VSTM2B: variants seen among roughly 807,000 people sequenced by gnomAD.
VSTM2B encodes V-set and transmembrane domain containing 2B.
Under a neutral mutation model 24.0 loss-of-function variants are expected in VSTM2B, and 24 were observed. The observed-to-expected ratio is 1.00, with a 90% confidence interval of 0.72 to 1.40. The LOEUF is 1.40. Ranked by LOEUF, VSTM2B falls within the 40% of genes most tolerant of loss-of-function variation. The pLI, the probability that VSTM2B is intolerant of heterozygous loss-of-function variation, is 0.00. For synonymous variants in VSTM2B, 226 were observed against 194.4 expected (o/e 1.16, Z -1.35); for missense variants, 399 against 416.4 (o/e 0.96, Z 0.36).
At chr19:29,527,820 GA>G (rs1390551762) in intron 2 of VSTM2B, among the ~76,000 whole-genome samples, 3 of 152,246 alleles carry the variant, frequency 2.0e-5, no homozygotes, top group Admixed American at 2.0e-4. Flanking sequence ...CCGAGTACCG[GA>G]AAGCCGGCAG....
chr19:29,532,016 A>G (rs1292785738), intron 4 of VSTM2B, among the ~76,000 whole-genome samples: 1 of 152,222 alleles, frequency 6.6e-6, no homozygotes, highest in East Asian at 1.9e-4. Flanking sequence ...TCACTGCCCT[A>G]AGAGAATTAA....
chr19:29,551,334 A>G (rs1970281206), intron 4 of VSTM2B, among the ~76,000 whole-genome samples: 1 of 152,148 alleles, frequency 6.6e-6, no homozygotes, highest in African/African-American at 2.4e-5. Flanking sequence ...CAAGGCATGA[A>G]ATGGCTTGAG....
intron 4 of VSTM2B, among the ~76,000 whole-genome samples, chr19:29,553,807 T>C (rs1304973): frequency 0.088 from 13,357 of 151,874 alleles, 1,225 homozygotes; most frequent in African/African-American, 0.23. Context: ...ATTGACCAAG[T>C]GGGGGAAAGA....
intron 4 of VSTM2B, among the ~76,000 whole-genome samples, chr19:29,553,297 G>A (rs796269682): frequency 7.2e-5 from 11 of 152,304 alleles, no homozygotes; most frequent in African/African-American, 2.6e-4. Flanking sequence ...CTCCAGGTAT[G>A]GGAGAAACCC....
intron 4 of VSTM2B, among the ~76,000 whole-genome samples, chr19:29,545,448 A>G (rs985697678): frequency 6.6e-6 from 1 of 152,154 alleles, no homozygotes; most frequent in Non-Finnish European, 1.5e-5. Context: ...CCCCATCTCT[A>G]CTAAAAATAC....
chr19:29,563,897 C>G lies in VSTM2B; in HGVS notation c.821C>G (p.Ala274Gly), dbSNP rs1036290014. The change falls in exon 5 of 5, where the codon GCT (alanine) becomes GGT (glycine). Residue 274 changes from alanine to glycine, a missense_variant. Coordinates refer to ENST00000335523, the MANE Select transcript of VSTM2B (RefSeq NM_001146339.2). ...TDPLLSLLLL[A>G]LHKFLRLLLG... ...CCACTCTTGTCCCTGCTCCTGTTAG[C>G]TCTGCATAAGTTCCTGCGCCTGCTC... is the stretch of plus-strand genomic sequence containing the variant. The G allele has an allele frequency of 1.2e-5, 18 of 1,552,248 alleles. No individual in the cohort carries two copies. In the African/African-American group the frequency reaches 2.5e-4, roughly 21 times the overall value.
intron 4 of VSTM2B, among the ~76,000 whole-genome samples, chr19:29,557,812 G>A (rs1970444540): frequency 6.6e-6 from 1 of 151,994 alleles, no homozygotes; most frequent in Non-Finnish European, 1.5e-5. Flanking sequence ...TGACGAAAGT[G>A]TCAAAAGCAA....
rs1407444551 is a variant in VSTM2B at position 29,530,095 on chromosome 19, A to G, written c.574A>G (p.Thr192Ala). Reference protein sequence around the residue: ...ANNAGAASRTTSEPGRGDKSP... With the variant: ...ANNAGAASRTASEPGRGDKSP... ...CAACGCGGGCGCCGCGAGCCGTACC[A>G]CCTCCGAGCCCGGCCGCGGCGACAA... Residue 192 changes from threonine to alanine, a missense_variant, in exon 4 of 5, where the codon ACC (threonine) becomes GCC (alanine). Transcript: ENST00000335523. 17 of 1,465,086 alleles carry G rather than the reference A, an allele frequency of 1.2e-5. No individual in the cohort carries two copies. The highest frequency in any genetic ancestry group is 4.2e-4 in the Middle Eastern group (2 of 4,724). 90.8% of individuals were successfully genotyped at this position (1,465,086 alleles called of 1,614,324 possible).
chr19:29,549,913 G>T (rs1970239608), intron 4 of VSTM2B, among the ~76,000 whole-genome samples: 1 of 151,976 alleles, frequency 6.6e-6, no homozygotes, highest in Admixed American at 6.5e-5. Flanking sequence ...GAGCAGGTCT[G>T]CTCCCAGCTG....
chr19:29,557,205 A>G (rs1970429666), intron 4 of VSTM2B, among the ~76,000 whole-genome samples: 1 of 152,234 alleles, frequency 6.6e-6, no homozygotes, highest in African/African-American at 2.4e-5. Context: ...GACCAATGGA[A>G]CAGAATAGAG....
At chr19:29,537,406 A>G (rs536128757) in intron 4 of VSTM2B, among the ~76,000 whole-genome samples, 1 of 152,240 alleles carries the variant, frequency 6.6e-6, no homozygotes, top group South Asian at 2.1e-4. Context: ...CGGTGACCGC[A>G]AAGTATGAGC....
intron 4 of VSTM2B, among the ~76,000 whole-genome samples, chr19:29,533,269 C>G (rs751135131): frequency 6.6e-5 from 10 of 152,232 alleles, no homozygotes; most frequent in Non-Finnish European, 1.3e-4. Flanking sequence ...TCTGCCTTCC[C>G]TGGAGGGGCT....
At chr19:29,529,340 G>A (rs1969669479) in intron 3 of VSTM2B, among the ~76,000 whole-genome samples, 1 of 152,154 alleles carries the variant, frequency 6.6e-6, no homozygotes, top group African/African-American at 2.4e-5. Flanking sequence ...GAAGCGATTC[G>A]GGCAGGCCCT....
chr19:29,549,189 T>C (rs2145497688), intron 4 of VSTM2B, among the ~76,000 whole-genome samples: 1 of 152,360 alleles, frequency 6.6e-6, no homozygotes, highest in East Asian at 1.9e-4. Flanking sequence ...AACTAGACCC[T>C]TCTGCAAATC....
chr19:29,534,533 GA>G (rs999580223), intron 4 of VSTM2B, among the ~76,000 whole-genome samples: 68 of 152,132 alleles, frequency 4.5e-4, no homozygotes, highest in Non-Finnish European at 3.2e-4. Flanking sequence ...TGGCCAACAT[GA>G]TGAGATCCTG....
chr19:29,558,715 G>A (rs1398830103), intron 4 of VSTM2B, among the ~76,000 whole-genome samples: 3 of 152,150 alleles, frequency 2.0e-5, no homozygotes. Context: ...TGTCAGTGGG[G>A]AGGTTAGGAG....
At chr19:29,536,457 C>A (rs1969892941) in intron 4 of VSTM2B, among the ~76,000 whole-genome samples, 1 of 152,234 alleles carries the variant, frequency 6.6e-6, no homozygotes, top group East Asian at 1.9e-4. Flanking sequence ...GTGTATCAGT[C>A]AGCTCACTGG....
chr19:29,549,073 C>G lies in VSTM2B; in HGVS notation c.770-14773C>G, dbSNP rs980341991. Among the ~76,000 whole-genome samples the G allele has an allele frequency of 6.6e-5, 10 of 152,332 alleles. No homozygotes were observed. In the East Asian group the frequency reaches 1.9e-3, roughly 29 times the overall value. On this transcript the variant is annotated intron_variant, in intron 4 of 4. Coordinates refer to ENST00000335523, the MANE Select transcript of VSTM2B (RefSeq NM_001146339.2). ...AAAAGCAGTCCTGGGGTTGCTGATT[C>G]TGGGGCCTTTCTAGGAAATACCTGA...
intron 4 of VSTM2B, among the ~76,000 whole-genome samples, chr19:29,552,140 G>A (rs910264944): frequency 4.6e-5 from 7 of 152,166 alleles, no homozygotes; most frequent in Admixed American, 2.0e-4. Context: ...TGGACACAGG[G>A]CTGCAAGACT....
Sources: allele counts gnomAD v4.1 joint callset (sites outside exome capture counted in the v4.1 genomes callset), GRCh38; gene constraint gnomAD v4.1.1; transcripts MANE v1.5; gene names NCBI Gene and HGNC (gene_info 2026-07-23, HGNC 2026-07-21).